The following PCDHGB1 variants were observed in gnomAD, a reference collection of about 807,000 sequenced individuals.
PCDHGB1 encodes protocadherin gamma-B1.
Under a neutral mutation model 56.6 loss-of-function variants are expected in PCDHGB1, and 34 were observed. That is an observed-to-expected ratio of 0.60 (90% CI 0.46 to 0.80). The LOEUF (loss-of-function observed/expected upper bound fraction) is 0.80, where lower values mean the gene tolerates loss of function less well. Ranked by LOEUF, PCDHGB1 falls within the 30% of genes least tolerant of loss-of-function variation. The probability of loss-of-function intolerance (pLI) is 0.00; values close to 1 mark genes in which losing one functional copy is unlikely to be tolerated. For missense variants in PCDHGB1, 1,278 were observed against 1,204.6 expected, an observed-to-expected ratio of 1.06 and a Z score of -0.90; for synonymous variants, 561 against 505.9, an observed-to-expected ratio of 1.11 and a Z score of -1.46.
At position 141,490,561 on chromosome 5, in the gene PCDHGB1, A is replaced by C. The variant is rs2099701634; in HGVS notation, c.2410-4246A>C. The stretch of plus-strand genomic sequence containing the variant: ...TTCCCTACACAAACATCTCACCATC[A>C]GGCTCAACATTTCAGATGTCAATGA... On this transcript the variant is annotated intron_variant, in intron 1 of 3. Transcript: ENST00000523390. The surrounding 1 kb of genome is among the most constrained non-coding windows in gnomAD (Gnocchi z 5.4). The C allele has an allele frequency of 1.2e-6, 2 of 1,614,090 alleles. No homozygotes were observed. The highest frequency in any genetic ancestry group is 1.7e-4 in the Middle Eastern group (1 of 6,060).
chr5:141,399,608 C>T (rs767025311), intron 1 of PCDHGB1: 3 of 1,613,962 alleles, frequency 1.9e-6, no homozygotes, highest in Non-Finnish European at 2.5e-6. Flanking sequence ...GACCTAGAGC[C>T]TCTGGCACTG....
At chr5:141,355,476 G>A (rs1759869757) in intron 1 of PCDHGB1, 5 of 1,613,968 alleles carry the variant, frequency 3.1e-6, no homozygotes, top group Non-Finnish European at 4.2e-6. Context: ...GGATAGACAG[G>A]GAGGAGCTCT....
At chr5:141,415,614 G>A (rs1476229913) in intron 1 of PCDHGB1, 1 of 1,612,128 alleles carries the variant, frequency 6.2e-7, no homozygotes, top group Admixed American at 1.7e-5. Flanking sequence ...TGGTTCCAGT[G>A]AGTTTTATTT....
intron 1 of PCDHGB1, chr5:141,417,903 A>G (rs2096184376): frequency 1.3e-6 from 2 of 1,590,930 alleles, no homozygotes; most frequent in Non-Finnish European, 8.6e-7. Flanking sequence ...GGCCCGCGGC[A>G]GGTACTATTT....
rs2099883887 is a variant in PCDHGB1, at chr5:141,511,641, ACC to A, written c.*469_*470del. 4.4e-6 allele frequency: 1 copy of A among 224,930 alleles called. No homozygotes were observed. Among genetic ancestry groups the A allele is most frequent in the Non-Finnish European group, 9.1e-6 (1 of 110,428 alleles). 13.9% of individuals were successfully genotyped at this position (224,930 alleles called of 1,614,324 possible). A position where few individuals can be genotyped will look rare whatever the true frequency, so the allele number is the denominator to read the frequency against. ...TCTGAAAAGTTGGAAGGGCATCATG[ACC>A]TCTTGGCCTCTCCTTTGATTCTCAA... On this transcript the variant is annotated 3_prime_UTR_variant, in exon 4 of 4. Coordinates refer to ENST00000523390, the MANE Select transcript of PCDHGB1 (RefSeq NM_018922.3).
rs759193676 is a variant in PCDHGB1 at position 141,355,515 on chromosome 5, C to T, written c.2409+2846C>T. On this transcript the variant is annotated intron_variant, in intron 1 of 3. Transcript: ENST00000523390. The stretch of plus-strand genomic sequence containing the variant: ...ACAGATCTCCAAACTGTGTGACAAA[C>T]CTGGAGATTCTTCTAGAAGATACAG... 8.1e-6 allele frequency: 13 copies of T among 1,614,008 alleles called. No homozygotes were observed. The East Asian group carries it at 1.1e-4, about 14-fold the overall frequency.
intron 1 of PCDHGB1, among the ~76,000 whole-genome samples, chr5:141,488,782 C>T (rs990081222): frequency 2.0e-5 from 3 of 152,178 alleles, no homozygotes; most frequent in Non-Finnish European, 1.5e-5. Flanking sequence ...TTTTGTATCA[C>T]TTTGTCTTCC....
At chr5:141,395,092 C>CT (rs2093168204) in intron 1 of PCDHGB1, 4 of 1,614,088 alleles carry the variant, frequency 2.5e-6, no homozygotes, top group Non-Finnish European at 3.4e-6. Context: ...GTCTCCCTCA[C>CT]CGCCGACTCG....
intron 1 of PCDHGB1, chr5:141,388,752 T>C: frequency 6.2e-7 from 1 of 1,614,002 alleles, no homozygotes; most frequent in East Asian, 2.2e-5. Context: ...GATCACCCAA[T>C]TTGACCTGAA....
intron 3 of PCDHGB1, chr5:141,506,955 C>T (rs1387377785): frequency 2.6e-5 from 4 of 152,362 alleles, no homozygotes; most frequent in South Asian, 2.1e-4. Context: ...AATGAATCCT[C>T]TCAATAGCTC....
At chr5:141,370,411 G>A (rs757547025) in intron 1 of PCDHGB1, 2 of 1,566,772 alleles carry the variant, frequency 1.3e-6, no homozygotes, top group South Asian at 1.2e-5. Context: ...AATAGCTCCG[G>A]ATGGAGGGGC....
At chr5:141,365,681 A>C in intron 1 of PCDHGB1, 2 of 1,613,224 alleles carry the variant, frequency 1.2e-6, no homozygotes, top group Non-Finnish European at 8.5e-7. Flanking sequence ...CAACCCACCC[A>C]ATTTCCCTCA....
intron 1 of PCDHGB1, among the ~76,000 whole-genome samples, chr5:141,386,362 G>A (rs1285554716): frequency 6.6e-6 from 1 of 152,108 alleles, no homozygotes; most frequent in African/African-American, 2.4e-5. Context: ...CTTGATTCCA[G>A]AGACCTTTGA....
chr5:141,477,042 G>A lies in PCDHGB1; in HGVS notation c.2410-17765G>A. ...ACCGGGATGCTGACAATCAAGGGTC[G>A]GCTGGACTTCGAGGACACCAAACTC... On this transcript the variant is annotated intron_variant, in intron 1 of 3. Transcript: ENST00000523390. This position sits in a 1 kb window ranked among gnomAD's most constrained non-coding sequence, Gnocchi z 4.9. 1 of 1,614,238 alleles carries A rather than the reference G, an allele frequency of 6.2e-7. No homozygotes were observed. Among genetic ancestry groups the A allele is most frequent in the Non-Finnish European group, 8.5e-7 (1 of 1,180,040 alleles).
chr5:141,439,455 C>T (rs62379163), intron 1 of PCDHGB1, among the ~76,000 whole-genome samples: 5,115 of 152,308 alleles, frequency 0.034, 100 homozygotes, highest in Middle Eastern at 0.088. Context: ...GGGAGCAAGA[C>T]TGCACTGCTG....
At chr5:141,503,620 A>C (rs1475731896) in intron 2 of PCDHGB1, among the ~76,000 whole-genome samples, 1 of 152,026 alleles carries the variant, frequency 6.6e-6, no homozygotes, top group East Asian at 1.9e-4. Flanking sequence ...AAAAAGAAAA[A>C]AGAAAAGAAA....
rs1173375966 is a variant in PCDHGB1, at chr5:141,511,162, GAGA to G, written c.2779_2781del (p.Lys927del). 16 of 1,614,044 alleles carry G rather than the reference GAGA, an allele frequency of 9.9e-6. No individual in the cohort carries two copies. The highest frequency in any genetic ancestry group is 5.5e-5 in the South Asian group (5 of 91,078). On this transcript the variant is annotated inframe_deletion, in exon 4 of 4. Transcript: ENST00000523390. The stretch of plus-strand genomic sequence containing the variant: ...CAACAAGAAGAAGTCGGGCAAGAAG[GAGA>G]AGAAGTAACATGGAGGCCAGGCCAA...
chr5:141,398,915 A>G, intron 1 of PCDHGB1: 1 of 1,614,002 alleles, frequency 6.2e-7, no homozygotes, highest in Non-Finnish European at 8.5e-7. Context: ...ACTGTGTTGC[A>G]AGTGTCAGCC....
At chr5:141,420,228 G>C (rs750839002) in intron 1 of PCDHGB1, 3 of 1,603,310 alleles carry the variant, frequency 1.9e-6, no homozygotes, top group Non-Finnish European at 2.6e-6. Flanking sequence ...CTACTGGCTA[G>C]CATTTTAACT....
Sources: gnomAD v4.1 joint callset for allele counts (sites outside exome capture counted in the v4.1 genomes callset) on GRCh38, gnomAD v4.1.1 for gene constraint, Gnocchi (gnomAD v3.1) non-coding constraint, MANE v1.5 for transcripts, NCBI Gene and HGNC (gene_info 2026-07-23, HGNC 2026-07-21) for gene names.